MPZL1: variants seen among roughly 807,000 people sequenced by gnomAD.
MPZL1 encodes myelin protein zero-like protein 1.
A neutral mutation model predicts 29.3 loss-of-function variants in MPZL1; 16 were observed. The observed-to-expected ratio is 0.55, with a 90% CI of 0.37 to 0.83. The LOEUF (loss-of-function observed/expected upper bound fraction) is 0.83, where lower values mean the gene tolerates loss of function less well. Ranked by LOEUF, MPZL1 falls within the 40% of genes least tolerant of loss-of-function variation. MPZL1 has a pLI of 0.00. For missense variants in MPZL1, 279 were observed against 332.9 expected, an observed-to-expected ratio of 0.84 and a Z score of 1.26; for synonymous variants, 143 against 132.0, an observed-to-expected ratio of 1.08 and a Z score of -0.57.
At position 167,776,137 on chromosome 1, in the gene MPZL1, G is replaced by C. The variant is rs771515678; in HGVS notation, c.679G>C (p.Val227Leu). The change falls in exon 5 of 6, where the codon GTA (valine) becomes CTA (leucine). Residue 227 changes from valine to leucine, a missense_variant. Val to Leu is a conservative substitution (Grantham distance 32). Coordinates refer to ENST00000359523, the MANE Select transcript of MPZL1 (RefSeq NM_003953.6). ...GTCCCCCTCCGACACTGAGGGTCTT[G>C]TAAAGAGTCTGCCTTCTGGATCTCA... Reference protein sequence around the residue: ...RKSPSDTEGLVKSLPSGSHQG... With the variant: ...RKSPSDTEGLLKSLPSGSHQG... 2.5e-6 allele frequency: 4 copies of C among 1,612,742 alleles called. No individual in the cohort carries two copies. Among genetic ancestry groups the C allele is most frequent in the Non-Finnish European group, 3.4e-6 (4 of 1,179,230 alleles).
At chr1:167,779,634 T>A (rs932195332) in intron 5 of MPZL1, among the ~76,000 whole-genome samples, 1 of 152,038 alleles carries the variant, frequency 6.6e-6, no homozygotes, top group Admixed American at 6.6e-5. Context: ...CAGCATTTTA[T>A]GAGGCTATAA....
intron 5 of MPZL1, 116 bp from the exon 6 acceptor site, chr1:167,787,704 G>T: frequency 1.5e-6 from 1 of 686,898 alleles, no homozygotes; most frequent in East Asian, 2.6e-5. Context: ...ACATTCAAGA[G>T]GGAAGTCTTT....
chr1:167,741,644 C>T (rs952918719), intron 1 of MPZL1, among the ~76,000 whole-genome samples: 1 of 152,058 alleles, frequency 6.6e-6, no homozygotes, highest in African/African-American at 2.4e-5. Context: ...TTCTTAACTG[C>T]TTTCCCAATT....
intron 1 of MPZL1, among the ~76,000 whole-genome samples, chr1:167,728,034 AT>A (rs35770520): frequency 1.2e-3 from 129 of 104,092 alleles, no homozygotes; most frequent in Middle Eastern, 4.7e-3. Flanking sequence ...CGCCCAACTA[AT>A]TTTTTTTTTT....
Position 167,739,274 on chromosome 1 carries a change from CATATATACATATATATATATATATATAT to C in MPZL1, c.91+17042_91+17069del, listed in dbSNP as rs1390420346. 1.2e-3 allele frequency among the ~76,000 whole-genome samples: 102 copies of C among 83,288 alleles called. 3 individuals are homozygous for C. Among genetic ancestry groups the C allele is most frequent in the African/African-American group, 6.4e-3 (98 of 15,348 alleles). The allele number at this position is 83,288 out of a possible 152,430, so 54.6% of individuals were successfully genotyped here. A position where few individuals can be genotyped will look rare whatever the true frequency, so the allele number is the denominator to read the frequency against. On this transcript the variant is annotated intron_variant, in intron 1 of 5. Transcript: ENST00000359523. ...ACTAATACATACACATACATATATACATATATACATATATATATATATATATATATATATACACATATATATATTTATG... is the reference window on the plus strand; with the variant it reads ...ACTAATACATACACATACATATATACATATATACACATATATATATTTATG...
intron 1 of MPZL1, among the ~76,000 whole-genome samples, chr1:167,728,992 A>G (rs1281576769): frequency 2.0e-5 from 3 of 152,196 alleles, no homozygotes; most frequent in Non-Finnish European, 4.4e-5. Context: ...TCGGCCGGGC[A>G]TGGTGACTCA....
chr1:167,775,190 A>G (rs1398786230), intron 4 of MPZL1, among the ~76,000 whole-genome samples: 1 of 152,234 alleles, frequency 6.6e-6, no homozygotes, highest in Non-Finnish European at 1.5e-5. Context: ...TAATTAAACC[A>G]TTTTGGTTCA....
intron 1 of MPZL1, among the ~76,000 whole-genome samples, chr1:167,761,928 G>C (rs573981895): frequency 6.6e-6 from 1 of 152,290 alleles, no homozygotes; most frequent in African/African-American, 2.4e-5. Context: ...TCTGAGTAAG[G>C]CAAATGAAGA....
intron 2 of MPZL1, 75 bp from the exon 3 acceptor site, chr1:167,772,200 C>G: frequency 1.7e-6 from 2 of 1,187,166 alleles, no homozygotes; most frequent in African/African-American, 3.1e-5. Flanking sequence ...AAGAACCTTT[C>G]ATAGCATGCA....
chr1:167,762,169 A>G (rs1203110861), intron 1 of MPZL1, among the ~76,000 whole-genome samples: 1 of 151,972 alleles, frequency 6.6e-6, no homozygotes, highest in Non-Finnish European at 1.5e-5. Flanking sequence ...GGTTGTCACA[A>G]CTGGAGGCAG....
At chr1:167,749,486 C>T (rs1660713128) in intron 1 of MPZL1, among the ~76,000 whole-genome samples, 1 of 152,176 alleles carries the variant, frequency 6.6e-6, no homozygotes, top group Non-Finnish European at 1.5e-5. Context: ...TCAACACTTT[C>T]CTAATCTGCA....
At chr1:167,785,956 C>A (rs1047240010) in intron 5 of MPZL1, among the ~76,000 whole-genome samples, 4 of 152,070 alleles carry the variant, frequency 2.6e-5, no homozygotes, top group Admixed American at 6.5e-5. Context: ...CCATGCCCGG[C>A]GAATTTTTTT....
chr1:167,752,140 A>G (rs1351315190), intron 1 of MPZL1, among the ~76,000 whole-genome samples: 4 of 152,120 alleles, frequency 2.6e-5, no homozygotes, highest in Admixed American at 6.5e-5. Context: ...TTTAAACATC[A>G]TCTCATGTTT....
At chr1:167,744,683 CAAA>C (rs3075159) in intron 1 of MPZL1, among the ~76,000 whole-genome samples, 6 of 126,906 alleles carry the variant, frequency 4.7e-5, no homozygotes, top group Admixed American at 1.6e-4. Context: ...AACTCAGTCT[CAAA>C]AAAAAAAAAA....
chr1:167,745,706 G>A (rs1343611078), intron 1 of MPZL1, among the ~76,000 whole-genome samples: 4 of 151,914 alleles, frequency 2.6e-5, no homozygotes, highest in Non-Finnish European at 5.9e-5. Context: ...CATATCCTGG[G>A]TTTTAAATTC....
chr1:167,778,152 C>T lies in MPZL1; in HGVS notation c.708+1986C>T, dbSNP rs559030603. Among the ~76,000 whole-genome samples, 41 of 152,222 alleles carry T rather than the reference C, an allele frequency of 2.7e-4. No individual in the cohort carries two copies. The Middle Eastern group carries it at 0.017, about 63-fold the overall frequency. On this transcript the variant is annotated intron_variant, in intron 5 of 5. Coordinates refer to ENST00000359523, the MANE Select transcript of MPZL1 (RefSeq NM_003953.6). ...CTTGACCAACATGGTGAAACCCTATCTCTACTAAAAATACAAAAATTAGCC... is the reference window on the plus strand; with the variant it reads ...CTTGACCAACATGGTGAAACCCTATTTCTACTAAAAATACAAAAATTAGCC...
In MPZL1 at chr1:167,754,531, G is replaced by T. The variant is rs1450960287; in HGVS notation, c.92-11052G>T. On this transcript the variant is annotated intron_variant, in intron 1 of 5. Coordinates refer to ENST00000359523, the MANE Select transcript of MPZL1 (RefSeq NM_003953.6). Reference sequence around the variant, plus strand: ...CCGACATGTAAACTTATACAAGTGTGTTATTGATTAAGAAGCTGAGTAGAG... The same window carrying T: ...CCGACATGTAAACTTATACAAGTGTTTTATTGATTAAGAAGCTGAGTAGAG... Among the ~76,000 whole-genome samples, 3 of 152,188 alleles carry T rather than the reference G, an allele frequency of 2.0e-5. No homozygotes were observed. The East Asian group carries it at 5.8e-4, about 29-fold the overall frequency.
At chr1:167,763,205 G>T (rs904927502) in intron 1 of MPZL1, among the ~76,000 whole-genome samples, 3 of 152,120 alleles carry the variant, frequency 2.0e-5, no homozygotes, top group Non-Finnish European at 4.4e-5. Context: ...TCGAGGAAGG[G>T]ATCTGGTTTA....
At chr1:167,784,053 G>A (rs1486934333) in intron 5 of MPZL1, among the ~76,000 whole-genome samples, 2 of 152,160 alleles carry the variant, frequency 1.3e-5, no homozygotes, top group Non-Finnish European at 2.9e-5. Context: ...TGACTCCTGA[G>A]CAGTTAATTT....
Sources: allele counts gnomAD v4.1 joint callset (sites outside exome capture counted in the v4.1 genomes callset), GRCh38; gene constraint gnomAD v4.1.1; transcripts MANE v1.5; gene names NCBI Gene and HGNC (gene_info 2026-07-23, HGNC 2026-07-21).